The following STRAP variants were observed in gnomAD, a reference collection of about 807,000 sequenced individuals.
STRAP encodes the protein serine/threonine kinase receptor associated protein.
A neutral mutation model predicts 47.0 loss-of-function variants in STRAP; 16 were observed. That is an observed-to-expected ratio of 0.34 (90% CI 0.23 to 0.52). The LOEUF is 0.52. Among genes scored for constraint, STRAP ranks in the 20% least tolerant of loss-of-function variants. STRAP has a pLI of 0.96. For synonymous variants in STRAP, 130 were observed against 142.7 expected (o/e 0.91, Z 0.63); for missense variants, 293 against 420.0 (o/e 0.70, Z 2.64).
At chr12:15,883,204 A>C in intron 1 of STRAP, 1 of 1,401,788 alleles carries the variant, frequency 7.1e-7, no homozygotes. Flanking sequence ...CTCTTGTCTC[A>C]CTGGATATTC....
intron 4 of STRAP, among the ~76,000 whole-genome samples, chr12:15,891,860 C>T (rs1029677660): frequency 1.3e-5 from 2 of 151,848 alleles, no homozygotes; most frequent in Non-Finnish European, 2.9e-5. Flanking sequence ...GCAGGAGAAT[C>T]GCTTGAACCC....
intron 1 of STRAP, 186 bp downstream of exon 1, chr12:15,883,005 G>T: frequency 6.7e-7 from 1 of 1,489,786 alleles, no homozygotes; most frequent in Non-Finnish European, 9.0e-7. Context: ...AGCTGGAGCC[G>T]AGAGGACGCT....
intron 9 of STRAP, 78 bp from the exon 10 acceptor site, chr12:15,902,839 A>G: frequency 1.4e-6 from 2 of 1,427,238 alleles, no homozygotes; most frequent in East Asian, 2.5e-5. Flanking sequence ...TTCATTACAC[A>G]GAAATGTAGA....
At chr12:15,902,362 A>G (rs1407969499) in intron 9 of STRAP, among the ~76,000 whole-genome samples, 1 of 152,116 alleles carries the variant, frequency 6.6e-6, no homozygotes, top group Non-Finnish European at 1.5e-5. Context: ...TAGAATTGTG[A>G]GATTGATGAG....
At position 15,882,602 on chromosome 12, in the gene STRAP, A is replaced by T; in HGVS notation, c.-106A>T. On this transcript the variant is annotated 5_prime_UTR_variant, in exon 1 of 10. Coordinates refer to ENST00000419869, the MANE Select transcript of STRAP (RefSeq NM_007178.4). ...TTTTCCTGTTGCCCAGCCCAGCCCT[A>T]GTGTCAGGGCGGGGGCCTGGAGCAG... is the stretch of plus-strand genomic sequence containing the variant. 1 of 914,848 alleles carries T rather than the reference A, an allele frequency of 1.1e-6. No homozygotes were observed. Among genetic ancestry groups the T allele is most frequent in the South Asian group, 1.5e-5 (1 of 68,170 alleles). 56.7% of individuals were successfully genotyped at this position (914,848 alleles called of 1,614,324 possible).
intron 8 of STRAP, among the ~76,000 whole-genome samples, chr12:15,900,611 C>G (rs1948095373): frequency 6.6e-6 from 1 of 151,520 alleles, no homozygotes; most frequent in African/African-American, 2.4e-5. Flanking sequence ...AGATCTAATT[C>G]AAAATTTGCT....
chr12:15,902,796 C>T (rs1239066679), intron 9 of STRAP, 121 bp from the exon 10 acceptor site: 2 of 1,241,928 alleles, frequency 1.6e-6, no homozygotes, highest in East Asian at 5.3e-5. Flanking sequence ...CTTTCCCTTA[C>T]CACAGTATGC....
At chr12:15,900,269 C>T (rs1434623622) in intron 8 of STRAP, among the ~76,000 whole-genome samples, 4 of 152,120 alleles carry the variant, frequency 2.6e-5, no homozygotes, top group East Asian at 3.9e-4. Flanking sequence ...CGGTGGCTCA[C>T]GCCTGTAATC....
chr12:15,884,447 A>T (rs1049861049), intron 2 of STRAP, among the ~76,000 whole-genome samples: 2 of 151,664 alleles, frequency 1.3e-5, no homozygotes, highest in East Asian at 3.9e-4. Flanking sequence ...ACATTAGAAT[A>T]TCTGGAGAGC....
At chr12:15,902,811 C>G in intron 9 of STRAP, 106 bp from the exon 10 acceptor site, 3 of 1,342,894 alleles carry the variant, frequency 2.2e-6, no homozygotes, top group South Asian at 3.4e-5. Context: ...GTATGCTTTA[C>G]AAACACTTTT....
chr12:15,898,065 A>T (rs898400068), intron 7 of STRAP, 47 bp downstream of exon 7: 17 of 1,531,280 alleles, frequency 1.1e-5, no homozygotes, highest in Non-Finnish European at 1.2e-5. Flanking sequence ...TCATATGTTA[A>T]GTCCCAGTAA....
Position 15,882,520 on chromosome 12 carries a change from G to C in STRAP, c.-188G>C. 1 of 555,342 alleles carries C rather than the reference G, an allele frequency of 1.8e-6. No individual in the cohort carries two copies. Among genetic ancestry groups the C allele is most frequent in the Non-Finnish European group, 3.2e-6 (1 of 309,008 alleles). 34.4% of individuals were successfully genotyped at this position (555,342 alleles called of 1,614,324 possible). A position where few individuals can be genotyped will look rare whatever the true frequency, so the allele number is the denominator to read the frequency against. On this transcript the variant is annotated 5_prime_UTR_variant, in exon 1 of 10. Coordinates refer to ENST00000419869, the MANE Select transcript of STRAP (RefSeq NM_007178.4). Reference sequence around the variant, plus strand: ...CGTCGACTGTTGCTTGCTGGTCGCAGACTCCCTGACCCCTCCCTCACCCCT... The same window carrying C: ...CGTCGACTGTTGCTTGCTGGTCGCACACTCCCTGACCCCTCCCTCACCCCT...
At position 15,894,351 on chromosome 12, in the gene STRAP, C is replaced by G. The variant is rs755571262; in HGVS notation, c.500+208C>G. Among the ~76,000 whole-genome samples, 2 of 152,124 alleles carry G rather than the reference C, an allele frequency of 1.3e-5. No homozygotes were observed. Among genetic ancestry groups the G allele is most frequent in the African/African-American group, 4.8e-5 (2 of 41,422 alleles). On this transcript the variant is annotated intron_variant, in intron 5 of 9. Transcript: ENST00000419869. This position sits in a 1 kb window ranked among gnomAD's most constrained non-coding sequence, Gnocchi z 4.9. ...GCACACACCTATAATCCCAGCTACT[C>G]GGGAGGCCGAGGCAGGAGAATCACT... is the stretch of plus-strand genomic sequence containing the variant.
At chr12:15,902,630 A>G (rs1480896789) in intron 9 of STRAP, among the ~76,000 whole-genome samples, 1 of 152,208 alleles carries the variant, frequency 6.6e-6, no homozygotes, top group Non-Finnish European at 1.5e-5. Flanking sequence ...GGTTTGTTAT[A>G]TAGCTGGAGT....
chr12:15,884,888 A>G (rs1394828659), intron 2 of STRAP, among the ~76,000 whole-genome samples: 1 of 152,164 alleles, frequency 6.6e-6, no homozygotes, highest in Non-Finnish European at 1.5e-5. Flanking sequence ...ATCCTCTGCC[A>G]TTGCACACCA....
chr12:15,883,145 G>A (rs1040819406), intron 1 of STRAP: 50 of 1,535,426 alleles, frequency 3.3e-5, no homozygotes, highest in Admixed American at 5.9e-5. Flanking sequence ...AAGGATTTGG[G>A]GAAAGGAGAA....
intron 9 of STRAP, among the ~76,000 whole-genome samples, chr12:15,902,713 A>T (rs1245100224): frequency 6.6e-6 from 1 of 152,252 alleles, no homozygotes; most frequent in East Asian, 1.9e-4. Context: ...TGGATAAAAC[A>T]CATGAACTCT....
chr12:15,902,378 G>T (rs1056865669), intron 9 of STRAP, among the ~76,000 whole-genome samples: 1 of 152,158 alleles, frequency 6.6e-6, no homozygotes, highest in African/African-American at 2.4e-5. Context: ...ATGAGTGGGG[G>T]TATCATGAGG....
Position 15,894,017 on chromosome 12 carries a change from CA to C in STRAP, c.404-27del. The C allele has an allele frequency of 6.8e-7, 1 of 1,475,974 alleles. No homozygotes were observed. The highest frequency in any genetic ancestry group is 9.4e-7 in the Non-Finnish European group (1 of 1,060,880). The allele number at this position is 1,475,974 out of a possible 1,614,324, so 91.4% of individuals were successfully genotyped here. A position where few individuals can be genotyped will look rare whatever the true frequency, so the allele number is the denominator to read the frequency against. On this transcript the variant is annotated intron_variant, in intron 4 of 9. Coordinates refer to ENST00000419869, the MANE Select transcript of STRAP (RefSeq NM_007178.4). This position sits in a 1 kb window ranked among gnomAD's most constrained non-coding sequence, Gnocchi z 4.9. ...TTCAGTTTAAAAAATCATATATTAA[CA>C]AATGTACTTTAAATTGTTTTATCTC... is the stretch of plus-strand genomic sequence containing the variant.
Sources: gnomAD v4.1 joint callset for allele counts (sites outside exome capture counted in the v4.1 genomes callset) on GRCh38, gnomAD v4.1.1 for gene constraint, Gnocchi (gnomAD v3.1) non-coding constraint, MANE v1.5 for transcripts, NCBI Gene and HGNC (gene_info 2026-07-23, HGNC 2026-07-21) for gene names.